The following CEP290 variants were observed in gnomAD, a reference collection of about 807,000 sequenced individuals.
CEP290 encodes centrosomal protein of 290 kDa.
In CEP290, 317 loss-of-function variants were observed where a neutral mutation model predicts 344.9. That is an observed-to-expected ratio of 0.92 (90% CI 0.84 to 1.01). The LOEUF is 1.01. Among genes scored for constraint, CEP290 ranks in the 50% least tolerant of loss-of-function variants. CEP290 has a pLI of 0.00. For missense variants in CEP290, 2,754 were observed against 2,761.4 expected, an observed-to-expected ratio of 1.00 and a Z score of 0.06; for synonymous variants, 932 against 895.8, an observed-to-expected ratio of 1.04 and a Z score of -0.72.
intron 41 of CEP290, among the ~76,000 whole-genome samples, chr12:88,073,650 T>C (rs892334870): frequency 1.3e-5 from 2 of 152,076 alleles, no homozygotes; most frequent in Admixed American, 6.6e-5. Context: ...TAAAGTCAAA[T>C]TCCTGGGGAG....
At chr12:88,118,101 T>C (rs556319274) in intron 17 of CEP290, among the ~76,000 whole-genome samples, 52 of 151,750 alleles carry the variant, frequency 3.4e-4, no homozygotes, top group Non-Finnish European at 6.5e-4. Context: ...GCATAGTCCT[T>C]AAGGAAAGGG....
At chr12:88,114,367 A>C (rs2137778049) in intron 20 of CEP290, 53 bp downstream of exon 20, 1 of 1,417,384 alleles carries the variant, frequency 7.1e-7, no homozygotes, top group East Asian at 2.5e-5. Context: ...ACACAGCAGA[A>C]AATCTCTCTA....
chr12:88,106,540 G>C (rs1592588576), intron 25 of CEP290, 135 bp downstream of exon 25: 1 of 601,508 alleles, frequency 1.7e-6, no homozygotes, highest in East Asian at 3.1e-5. Context: ...ACAAAAATCA[G>C]AAGAAGCAAT....
Position 88,126,455 on chromosome 12 carries a change from T to A in CEP290, c.943-17A>T, listed in dbSNP as rs1396168260. ...CAAAATTAGCTAGAAATAAACACAA[T>A]AGAATCTGTTATGCAAAAGGAAAGT... On this transcript the variant is annotated splice_polypyrimidine_tract_variant and intron_variant, in intron 11 of 53. Coordinates refer to ENST00000552810, the MANE Select transcript of CEP290 (RefSeq NM_025114.4). 1.4e-6 allele frequency: 2 copies of A among 1,451,492 alleles called. No individual in the cohort carries two copies. The highest frequency in any genetic ancestry group is 2.7e-5 in the Admixed American group (1 of 36,946). 89.9% of individuals were successfully genotyped at this position (1,451,492 alleles called of 1,614,324 possible). A position where few individuals can be genotyped will look rare whatever the true frequency, so the allele number is the denominator to read the frequency against.
rs554788800 is a variant in CEP290 at position 88,056,140 on chromosome 12, T to C, written c.6819-423A>G. ...AGGAGGTATCTAGGTAGGAAAACAC[T>C]AAGGGAGAGGAAAAAATTGTGCAAA... On this transcript the variant is annotated intron_variant, in intron 49 of 53. Transcript: ENST00000552810. Among the ~76,000 whole-genome samples the C allele has an allele frequency of 4.6e-5, 7 of 151,918 alleles. No individual in the cohort carries two copies. In the South Asian group the frequency reaches 1.2e-3, roughly 27 times the overall value.
Position 88,077,856 on chromosome 12 carries a change from T to G in CEP290, c.5427A>C (p.Lys1809Asn). The G allele has an allele frequency of 6.9e-7, 1 of 1,457,036 alleles. No homozygotes were observed. Among genetic ancestry groups the G allele is most frequent in the Non-Finnish European group, 9.4e-7 (1 of 1,068,900 alleles). The allele number at this position is 1,457,036 out of a possible 1,614,324, so 90.3% of individuals were successfully genotyped here. Residue 1809 changes from lysine to asparagine, a missense_variant, in exon 40 of 54, where the codon AAA (lysine) becomes AAC (asparagine). Lys to Asn is a moderately conservative substitution (Grantham distance 94, BLOSUM62 0). Coordinates refer to ENST00000552810, the MANE Select transcript of CEP290 (RefSeq NM_025114.4). ...TATCAGTTAGTGAGTTTTCTCTGTT[T>G]TTACTTGTTTTAAGTGCTTCTTTCA... The part of the protein sequence containing the change: ...LKLKEALKTS[K>N]NRENSLTDNL...
intron 11 of CEP290, among the ~76,000 whole-genome samples, chr12:88,127,907 A>G (rs1354661765): frequency 6.6e-6 from 1 of 152,214 alleles, no homozygotes; most frequent in Non-Finnish European, 1.5e-5. Flanking sequence ...CTGATATAAA[A>G]TAATTATGAA....
chr12:88,139,220 TTTAA>T, intron 4 of CEP290, 29 bp from the exon 5 acceptor site: 1 of 921,266 alleles, frequency 1.1e-6, no homozygotes, highest in Non-Finnish European at 1.6e-6. Context: ...AGAAAAACGT[TTTAA>T]TTGATTAGTT....
chr12:88,063,116 G>A (rs1376614154), intron 45 of CEP290, among the ~76,000 whole-genome samples: 1 of 145,702 alleles, frequency 6.9e-6, no homozygotes, highest in Non-Finnish European at 1.5e-5. Flanking sequence ...TTCTATCAAT[G>A]TAAAAACCAG....
intron 27 of CEP290, among the ~76,000 whole-genome samples, chr12:88,095,137 G>T (rs1255452803): frequency 6.6e-6 from 1 of 152,092 alleles, no homozygotes; most frequent in Non-Finnish European, 1.5e-5. Context: ...GAAAAATACT[G>T]CAATAAATAC....
In CEP290 at chr12:88,106,986, T is replaced by C; in HGVS notation, c.2586+10A>G. 1 of 1,537,906 alleles carries C rather than the reference T, an allele frequency of 6.5e-7. No homozygotes were observed. The highest frequency in any genetic ancestry group is 8.8e-7 in the Non-Finnish European group (1 of 1,137,522). On this transcript the variant is annotated intron_variant, in intron 24 of 53. Coordinates refer to ENST00000552810, the MANE Select transcript of CEP290 (RefSeq NM_025114.4). ...ATATTGCATACTAATGTTAAAAATGTTTTACTTACATTATATTCTTTTACT... is the reference window on the plus strand; with the variant it reads ...ATATTGCATACTAATGTTAAAAATGCTTTACTTACATTATATTCTTTTACT...
At position 88,071,897 on chromosome 12, in the gene CEP290, T is replaced by C. The variant is rs1387313428; in HGVS notation, c.5739A>G (p.Glu1913=). 6.2e-7 allele frequency: 1 copy of C among 1,601,122 alleles called. No homozygotes were observed. Among genetic ancestry groups the C allele is most frequent in the Admixed American group, 1.7e-5 (1 of 57,744 alleles). Residue 1913 remains glutamate (E), a synonymous_variant, in exon 42 of 54, where the codon GAA becomes GAG. Transcript: ENST00000552810. ...TTTTGGCTTGCCACTTTTTACCTTC[T>C]TCCCACCTAATTAATTCTTCTTTAG... ...KNAKEELIRW[E]EGKKWQAKIE...
chr12:88,055,740 TA>T (rs759228151), intron 49 of CEP290, 23 bp from the exon 50 acceptor site: 3 of 1,421,828 alleles, frequency 2.1e-6, no homozygotes, highest in Non-Finnish European at 2.8e-6. Flanking sequence ...GGAAAAAAAG[TA>T]TAGACATGGC....
In CEP290 at chr12:88,133,226, G is replaced by A. The variant is rs748600719; in HGVS notation, c.442-2008C>T. Among the ~76,000 whole-genome samples the A allele has an allele frequency of 8.6e-4, 130 of 151,744 alleles. 1 individual carries two copies. The highest frequency in any genetic ancestry group is 8.3e-4 in the Non-Finnish European group (56 of 67,858). On this transcript the variant is annotated intron_variant, in intron 6 of 53. Transcript: ENST00000552810. ...AAGTAGCTGGGACTGCAGGCATACA[G>A]TACCATGACCAGTTAATTTTTGTTT...
intron 53 of CEP290, chr12:88,049,654 T>C (rs1171615625): frequency 2.9e-6 from 1 of 340,342 alleles, no homozygotes; most frequent in East Asian, 6.6e-5. Flanking sequence ...GACTAAAATT[T>C]ATCATCTCTT....
intron 14 of CEP290, among the ~76,000 whole-genome samples, 199 bp from the exon 15 acceptor site, chr12:88,120,475 T>C (rs1156420711): frequency 6.6e-6 from 1 of 152,164 alleles, no homozygotes; most frequent in East Asian, 1.9e-4. Context: ...GTTAAAACTT[T>C]CCAGTATAAT....
At chr12:88,104,821 T>C (rs2038154971) in intron 25 of CEP290, among the ~76,000 whole-genome samples, 1 of 152,082 alleles carries the variant, frequency 6.6e-6, no homozygotes, top group Admixed American at 6.6e-5. Flanking sequence ...ATTGTATGTA[T>C]ATTGTAGGAT....
chr12:88,066,488 T>C (rs1046384605), intron 44 of CEP290, among the ~76,000 whole-genome samples: 4 of 149,430 alleles, frequency 2.7e-5, no homozygotes, highest in Admixed American at 2.0e-4. Context: ...TTTTTTTTTT[T>C]CTGGTAGAGA....
rs2036260039 is a variant in CEP290, at chr12:88,082,411, G to C, written c.5012+620C>G. Among the ~76,000 whole-genome samples, 3 of 152,154 alleles carry C rather than the reference G, an allele frequency of 2.0e-5. No homozygotes were observed. In the South Asian group the frequency reaches 6.2e-4, roughly 32 times the overall value. On this transcript the variant is annotated intron_variant, in intron 37 of 53. Transcript: ENST00000552810. ...ATTATTTCCATTTTAAAGATGATGA[G>C]GCTGGGTGCAATGGCTCAGGCCTGT...
Sources: gnomAD v4.1 joint callset for allele counts (sites outside exome capture counted in the v4.1 genomes callset) on GRCh38, gnomAD v4.1.1 for gene constraint, MANE v1.5 for transcripts, NCBI Gene and HGNC (gene_info 2026-07-23, HGNC 2026-07-21) for gene names.